DLGAP1: variants seen among roughly 807,000 people sequenced by gnomAD.
DLGAP1 encodes disks large-associated protein 1.
Under a neutral mutation model 90.8 loss-of-function variants are expected in DLGAP1, and 11 were observed. The ratio of observed to expected loss-of-function variants is 0.12; its 90% CI spans 0.08 to 0.20. The LOEUF (loss-of-function observed/expected upper bound fraction) is 0.20, where lower values mean the gene tolerates loss of function less well. Among genes scored for constraint, DLGAP1 ranks in the 10% least tolerant of loss-of-function variants. The probability of loss-of-function intolerance (pLI) is 1.00; values close to 1 mark genes in which losing one functional copy is unlikely to be tolerated. For synonymous variants in DLGAP1, 558 were observed against 540.7 expected, an observed-to-expected ratio of 1.03 and a Z score of -0.44; for missense variants, 1,050 against 1,333.8, an observed-to-expected ratio of 0.79 and a Z score of 3.31.
chr18:3,858,528 G>GCACACACA (rs148706272), intron 4 of DLGAP1, among the ~76,000 whole-genome samples: 36 of 139,974 alleles, frequency 2.6e-4, no homozygotes, highest in African/African-American at 7.6e-4. Flanking sequence ...ATATATATAT[G>GCACACACA]CACACACACA....
At chr18:3,720,067 A>G (rs1023422543) in intron 7 of DLGAP1, among the ~76,000 whole-genome samples, 10 of 152,214 alleles carry the variant, frequency 6.6e-5, no homozygotes, top group Non-Finnish European at 1.5e-5. Flanking sequence ...TCTCTACAGC[A>G]TGAAACTGGT....
intron 1 of DLGAP1, among the ~76,000 whole-genome samples, chr18:4,337,736 C>T (rs994268156): frequency 1.3e-5 from 2 of 152,096 alleles, no homozygotes; most frequent in Admixed American, 1.3e-4. Flanking sequence ...TTCTCATAAA[C>T]ATCACTGAGA....
At chr18:3,822,744 G>T (rs1227025032) in intron 4 of DLGAP1, among the ~76,000 whole-genome samples, 1 of 152,194 alleles carries the variant, frequency 6.6e-6, no homozygotes, top group Non-Finnish European at 1.5e-5. Flanking sequence ...AGGGATTGGG[G>T]AGCCATGGGC....
intron 1 of DLGAP1, among the ~76,000 whole-genome samples, chr18:4,361,542 G>T (rs1376149710): frequency 6.6e-6 from 1 of 152,162 alleles, no homozygotes; most frequent in African/African-American, 2.4e-5. Context: ...GGGAAAAATG[G>T]ATTTCCACAA....
chr18:4,065,928 C>T (rs1230610637), intron 2 of DLGAP1, among the ~76,000 whole-genome samples: 1 of 150,684 alleles, frequency 6.6e-6, no homozygotes, highest in Admixed American at 6.6e-5. Flanking sequence ...TACTACAAAG[C>T]TACAGTAATC....
intron 1 of DLGAP1, among the ~76,000 whole-genome samples, chr18:4,423,398 G>A (rs1003401045): frequency 3.3e-5 from 5 of 152,248 alleles, no homozygotes; most frequent in South Asian, 4.1e-4. Context: ...TAAAATTTTC[G>A]TAATTCACTG....
chr18:4,362,398 A>G (rs1284364984), intron 1 of DLGAP1, among the ~76,000 whole-genome samples: 1 of 152,252 alleles, frequency 6.6e-6, no homozygotes, highest in Non-Finnish European at 1.5e-5. Context: ...AATATTATTC[A>G]GCCTTAAAAA....
intron 3 of DLGAP1, among the ~76,000 whole-genome samples, chr18:3,926,573 T>TAC (rs1568303675): frequency 6.6e-6 from 1 of 152,012 alleles, no homozygotes; most frequent in African/African-American, 2.4e-5. Context: ...TGTGTGTATA[T>TAC]ATATATACAC....
At chr18:4,348,075 A>C (rs545397687) in intron 1 of DLGAP1, among the ~76,000 whole-genome samples, 2 of 152,300 alleles carry the variant, frequency 1.3e-5, no homozygotes, top group East Asian at 3.9e-4. Context: ...TAAGCTAAAT[A>C]ACTTTTAGAA....
chr18:3,768,556 C>G (rs2064364676), intron 5 of DLGAP1, among the ~76,000 whole-genome samples: 1 of 152,118 alleles, frequency 6.6e-6, no homozygotes, highest in Non-Finnish European at 1.5e-5. Flanking sequence ...TACTCTATGG[C>G]TACAGTAATC....
At chr18:4,139,713 G>T (rs2076464669) in intron 2 of DLGAP1, among the ~76,000 whole-genome samples, 1 of 151,888 alleles carries the variant, frequency 6.6e-6, no homozygotes, top group Non-Finnish European at 1.5e-5. Flanking sequence ...TGAAAGTGGG[G>T]TGCTGAAATC....
chr18:4,281,852 T>C (rs770361610), intron 1 of DLGAP1, among the ~76,000 whole-genome samples: 15 of 152,186 alleles, frequency 9.9e-5, no homozygotes. Flanking sequence ...TAAATATTTA[T>C]ACCTATATAC....
chr18:4,006,897 C>T (rs1484683920), intron 2 of DLGAP1, among the ~76,000 whole-genome samples: 1 of 152,102 alleles, frequency 6.6e-6, no homozygotes, highest in African/African-American at 2.4e-5. Context: ...ATCCTCCTAC[C>T]TCGGCCTACT....
chr18:3,916,685 T>C (rs1599155770), intron 3 of DLGAP1, among the ~76,000 whole-genome samples: 2 of 152,160 alleles, frequency 1.3e-5, no homozygotes. Context: ...TCTTCACCAA[T>C]GAGACACAGA....
intron 7 of DLGAP1, among the ~76,000 whole-genome samples, chr18:3,619,742 C>CTTTT (rs10625913): frequency 0.048 from 5,406 of 112,298 alleles, 209 homozygotes; most frequent in African/African-American, 0.081. Flanking sequence ...TAGTTTTTTC[C>CTTTT]TTTTTTTTTT....
At chr18:4,192,281 G>A (rs9284410) in intron 1 of DLGAP1, among the ~76,000 whole-genome samples, 48,056 of 151,960 alleles carry the variant, frequency 0.32, 7,842 homozygotes, top group African/African-American at 0.41. Context: ...TGATGAGCCA[G>A]TTGAGTAAAA....
At chr18:4,345,575 T>A (rs1482172105) in intron 1 of DLGAP1, among the ~76,000 whole-genome samples, 3 of 152,142 alleles carry the variant, frequency 2.0e-5, no homozygotes, top group Non-Finnish European at 4.4e-5. Context: ...CAATTATAGG[T>A]TTCACACAAC....
At chr18:3,518,494 A>G (rs1431639187) in intron 10 of DLGAP1, among the ~76,000 whole-genome samples, 4 of 150,902 alleles carry the variant, frequency 2.7e-5, no homozygotes, top group Non-Finnish European at 4.4e-5. Context: ...GACTTGGTCA[A>G]CTCAGGGTTG....
At chr18:3,785,665 A>G (rs943058262) in intron 5 of DLGAP1, among the ~76,000 whole-genome samples, 6 of 152,202 alleles carry the variant, frequency 3.9e-5, no homozygotes, top group African/African-American at 1.4e-4. Context: ...TCTTGTGAAA[A>G]GGTCTGTCCA....
Sources: allele counts gnomAD v4.1 joint callset (sites outside exome capture counted in the v4.1 genomes callset), GRCh38; gene constraint gnomAD v4.1.1; transcripts MANE v1.5; gene names NCBI Gene and HGNC (gene_info 2026-07-23, HGNC 2026-07-21).